The following ARHGAP29 variants were observed in gnomAD, a reference collection of about 807,000 sequenced individuals.
ARHGAP29 encodes the protein rho GTPase-activating protein 29.
Under a neutral mutation model 122.6 loss-of-function variants are expected in ARHGAP29, and 43 were observed. That is an observed-to-expected ratio of 0.35 (90% CI 0.27 to 0.45). ARHGAP29 has a LOEUF of 0.45. ARHGAP29 is among the 20% of genes least tolerant of loss of function. The pLI, the probability that ARHGAP29 is intolerant of heterozygous loss-of-function variation, is 1.00. For synonymous variants in ARHGAP29, 506 were observed against 497.1 expected (o/e 1.02, Z -0.24); for missense variants, 1,303 against 1,477.2 (o/e 0.88, Z 1.93).
chr1:94,278,240 G>A (rs879925501), upstream of ARHGAP29, among the ~76,000 whole-genome samples: 2 of 152,026 alleles, frequency 1.3e-5, no homozygotes, highest in Non-Finnish European at 2.9e-5. Context: ...GATAATTTCA[G>A]CCCATGAGTT....
intron 1 of ARHGAP29, among the ~76,000 whole-genome samples, chr1:94,249,761 A>G (rs1025525046): frequency 6.6e-6 from 1 of 152,144 alleles, no homozygotes; most frequent in Non-Finnish European, 1.5e-5. Context: ...CAAAAAAAAA[A>G]AAAGAAAGAA....
At chr1:94,195,893 A>G (rs1397554264) in intron 12 of ARHGAP29, 1 of 152,194 alleles carries the variant, frequency 6.6e-6, no homozygotes, top group Non-Finnish European at 1.5e-5. Flanking sequence ...AAGGGAATTT[A>G]TCAGTATAAA....
intron 19 of ARHGAP29, among the ~76,000 whole-genome samples, chr1:94,183,858 C>T (rs1364329563): frequency 3.3e-5 from 5 of 152,058 alleles, no homozygotes. Flanking sequence ...TATTAAAGAC[C>T]TCCTTGGTGG....
chr1:94,293,469 C>T, the ARHGAP29 span, among the ~76,000 whole-genome samples: 2 of 152,230 alleles, frequency 1.3e-5, no homozygotes, highest in African/African-American at 4.8e-5. Context: ...TGCTTCAGCT[C>T]ACCCTCCATG....
upstream of ARHGAP29, among the ~76,000 whole-genome samples, chr1:94,238,053 ATTTTTTT>A (rs71717670): frequency 2.3e-3 from 138 of 61,056 alleles, 1 homozygote; most frequent in African/African-American, 9.9e-3. Context: ...GCCTATCTGT[ATTTTTTT>A]TTTTTTTTTT....
At chr1:94,203,283 C>T in intron 8 of ARHGAP29, 73 bp from the exon 9 acceptor site, 6 of 1,036,230 alleles carry the variant, frequency 5.8e-6, no homozygotes, top group East Asian at 5.4e-5. Flanking sequence ...CACTACCCTT[C>T]TTCAAAAAGG....
At chr1:94,223,086 G>A (rs1652408418) in intron 2 of ARHGAP29, among the ~76,000 whole-genome samples, 1 of 152,026 alleles carries the variant, frequency 6.6e-6, no homozygotes, top group South Asian at 2.1e-4. Flanking sequence ...TGGGACTACA[G>A]GCGCCCGCCA....
rs1648711496 is a variant in ARHGAP29, at chr1:94,171,118, A to G, written c.*2751T>C. On this transcript the variant is annotated 3_prime_UTR_variant, in exon 23 of 23. Coordinates refer to ENST00000260526, the MANE Select transcript of ARHGAP29 (RefSeq NM_004815.4). ...TATACAATGGTTGTCATTTAGAGAG[A>G]TGTTTCCAGTTGTATAAATACTGTA... Among the ~76,000 whole-genome samples the G allele has an allele frequency of 6.6e-6, 1 of 152,184 alleles. No homozygotes were observed. Among genetic ancestry groups the G allele is most frequent in the South Asian group, 2.1e-4 (1 of 4,832 alleles).
At chr1:94,186,473 G>A (rs1465864246) in intron 16 of ARHGAP29, 26 bp downstream of exon 16, 5 of 1,518,788 alleles carry the variant, frequency 3.3e-6, no homozygotes, top group Non-Finnish European at 4.6e-6. Flanking sequence ...TGGTTTAGTG[G>A]GACTTAATTC....
At chr1:94,190,457 C>T (rs1453877256) in intron 12 of ARHGAP29, 2 of 161,348 alleles carry the variant, frequency 1.2e-5, no homozygotes, top group African/African-American at 4.8e-5. Context: ...ATGGGGAAAA[C>T]ACTTCCAATC....
intron 1 of ARHGAP29, among the ~76,000 whole-genome samples, chr1:94,256,819 A>G (rs1287850128): frequency 1.3e-5 from 2 of 151,718 alleles, no homozygotes; most frequent in Non-Finnish European, 2.9e-5. Flanking sequence ...CAGCCTCTCA[A>G]AGTGCTGGGA....
In ARHGAP29 at chr1:94,202,716, G is replaced by T. The variant is rs1321047262; in HGVS notation, c.971C>A (p.Ala324Asp). 2 of 1,613,204 alleles carry T rather than the reference G, an allele frequency of 1.2e-6. No homozygotes were observed. The highest frequency in any genetic ancestry group is 2.2e-5 in the South Asian group (2 of 90,798). Reference sequence around the variant, plus strand: ...GCATAATAATTTTGCCTTTTTGAGAGCATTCTCTGCTTCAAGCTACACCGA... The same window carrying T: ...GCATAATAATTTTGCCTTTTTGAGATCATTCTCTGCTTCAAGCTACACCGA... Reference protein sequence around the residue: ...EQNKMLEAENALKKAKLLCMQ... With the variant: ...EQNKMLEAENDLKKAKLLCMQ... Residue 324 changes from alanine to aspartate, a missense_variant, in exon 11 of 23, where the codon GCT becomes GAT. Transcript: ENST00000260526.
chr1:94,264,408 C>A (rs1345093814), intron 1 of ARHGAP29, among the ~76,000 whole-genome samples: 2 of 152,106 alleles, frequency 1.3e-5, no homozygotes, highest in Non-Finnish European at 2.9e-5. Flanking sequence ...CATCAACAGC[C>A]CTCCCCTACT....
intron 14 of ARHGAP29, 55 bp downstream of exon 14, chr1:94,189,161 A>T: frequency 1.3e-6 from 2 of 1,545,348 alleles, no homozygotes; most frequent in South Asian, 2.5e-5. Flanking sequence ...TAACAATCAC[A>T]TTCGAACAAC....
intron 1 of ARHGAP29, among the ~76,000 whole-genome samples, chr1:94,242,648 A>G (rs1430480349): frequency 1.3e-5 from 2 of 151,530 alleles, no homozygotes; most frequent in East Asian, 3.9e-4. Flanking sequence ...CAAGAAGAAA[A>G]AGGAAACAAC....
intron 1 of ARHGAP29, among the ~76,000 whole-genome samples, chr1:94,234,566 G>C (rs1350769275): frequency 6.6e-6 from 1 of 152,082 alleles, no homozygotes; most frequent in Non-Finnish European, 1.5e-5. Context: ...AATTATTTCT[G>C]AGAATCTAAC....
intron 3 of ARHGAP29, among the ~76,000 whole-genome samples, chr1:94,214,404 C>G (rs1034671826): frequency 1.3e-5 from 2 of 152,192 alleles, no homozygotes; most frequent in Admixed American, 6.5e-5. Context: ...GGAACAAATT[C>G]CTAAACTACC....
the ARHGAP29 span, among the ~76,000 whole-genome samples, chr1:94,314,033 G>C: frequency 1.3e-5 from 2 of 152,160 alleles, no homozygotes; most frequent in African/African-American, 4.8e-5. Context: ...TAAATGACGA[G>C]TTAATGGGTG....
chr1:94,310,941 C>G, the ARHGAP29 span, among the ~76,000 whole-genome samples: 1 of 152,160 alleles, frequency 6.6e-6, no homozygotes, highest in African/African-American at 2.4e-5. Context: ...CTCCTGGCTT[C>G]CTTCTACTCT....
Sources: allele counts gnomAD v4.1 joint callset (sites outside exome capture counted in the v4.1 genomes callset), GRCh38; gene constraint gnomAD v4.1.1; transcripts MANE v1.5; gene names NCBI Gene and HGNC (gene_info 2026-07-23, HGNC 2026-07-21).